Variants in RYR2 observed in about 807,000 individuals in gnomAD.
The protein encoded by RYR2 is cardiac muscle ryanodine receptor-calcium release channel.
In RYR2, 227 loss-of-function variants were observed where a neutral mutation model predicts 601.1. That is an observed-to-expected ratio of 0.38 (90% CI 0.34 to 0.42). The LOEUF is 0.42. RYR2 is among the 10% of genes least tolerant of loss of function. RYR2 has a pLI of 1.00. For synonymous variants in RYR2, 2,223 were observed against 2,175.1 expected, an observed-to-expected ratio of 1.02 and a Z score of -0.61; for missense variants, 4,646 against 6,156.5, an observed-to-expected ratio of 0.75 and a Z score of 8.21.
chr1:237,789,623 C>G (rs73103916), intron 92 of RYR2, among the ~76,000 whole-genome samples: 8 of 102,012 alleles, frequency 7.8e-5, no homozygotes, highest in Admixed American at 1.1e-4. Context: ...GGCGCTGCAG[C>G]ACCCCAGTGG....
chr1:237,264,069 A>G (rs987509779), intron 1 of RYR2, among the ~76,000 whole-genome samples: 1 of 146,272 alleles, frequency 6.8e-6, no homozygotes, highest in African/African-American at 2.6e-5. Context: ...GAATTACTAA[A>G]TGTACAAACA....
chr1:237,628,101 A>C lies in RYR2; in HGVS notation c.6440+21A>C, dbSNP rs764715619. The C allele has an allele frequency of 4.3e-6, 7 of 1,609,392 alleles. No individual in the cohort carries two copies. The African/African-American group carries it at 9.4e-5, about 22-fold the overall frequency. On this transcript the variant is annotated intron_variant, in intron 41 of 104. Transcript: ENST00000366574. ...TTAGGGTAAATTATTTAACTACTACAACCCTTTGTCTCGTAAATGTTTTCT... is the reference window on the plus strand; with the variant it reads ...TTAGGGTAAATTATTTAACTACTACCACCCTTTGTCTCGTAAATGTTTTCT...
chr1:237,225,948 A>G (rs189289492), intron 1 of RYR2, among the ~76,000 whole-genome samples: 123 of 152,100 alleles, frequency 8.1e-4, no homozygotes, highest in African/African-American at 2.5e-3. Flanking sequence ...CTAGCTACTC[A>G]GGAGGCTGAG....
intron 1 of RYR2, among the ~76,000 whole-genome samples, chr1:237,227,171 A>T (rs921615989): frequency 1.3e-5 from 2 of 152,168 alleles, no homozygotes; most frequent in Non-Finnish European, 2.9e-5. Context: ...AGTTCCTATT[A>T]TACAGCATGG....
At chr1:237,123,341 C>CT (rs1558274463) in intron 1 of RYR2, among the ~76,000 whole-genome samples, 1 of 152,152 alleles carries the variant, frequency 6.6e-6, no homozygotes, top group Non-Finnish European at 1.5e-5. Flanking sequence ...AATCCCAGCA[C>CT]TTTGGGAGGC....
At chr1:237,529,570 T>G (rs2779361) in intron 24 of RYR2, among the ~76,000 whole-genome samples, 76,339 of 151,746 alleles carry the variant, frequency 0.5, 19,384 homozygotes, top group East Asian at 0.6. Flanking sequence ...TTATGGGTTT[T>G]AGATAATTCC....
At chr1:237,206,567 A>G (rs992474243) in intron 1 of RYR2, among the ~76,000 whole-genome samples, 6 of 152,176 alleles carry the variant, frequency 3.9e-5, no homozygotes, top group Non-Finnish European at 8.8e-5. Flanking sequence ...ATACTAAAAG[A>G]CTTATTTATA....
In RYR2 at chr1:237,660,855, A is replaced by G. The variant is rs1425494520; in HGVS notation, c.8344A>G (p.Met2782Val). ...GCCAATCAAAGAATCTTTAAAAACTATGCTGGCTTGGGGCTGGAGAATTGA... is the reference window on the plus strand; with the variant it reads ...GCCAATCAAAGAATCTTTAAAAACTGTGCTGGCTTGGGGCTGGAGAATTGA... Reference protein sequence around the residue: ...RWPIKESLKTMLAWGWRIERT... With the variant: ...RWPIKESLKTVLAWGWRIERT... The change falls in exon 56 of 105, where the codon ATG becomes GTG. Residue 2782 changes from methionine to valine, a missense_variant. Met to Val is a conservative substitution (Grantham distance 21). Coordinates refer to ENST00000366574, the MANE Select transcript of RYR2 (RefSeq NM_001035.3). 7 of 1,547,434 alleles carry G rather than the reference A, an allele frequency of 4.5e-6. No homozygotes were observed. Among genetic ancestry groups the G allele is most frequent in the African/African-American group, 2.7e-5 (2 of 72,964 alleles).
At chr1:237,355,705 T>C (rs1174987586) in intron 3 of RYR2, among the ~76,000 whole-genome samples, 1 of 152,162 alleles carries the variant, frequency 6.6e-6, no homozygotes, top group African/African-American at 2.4e-5. Context: ...ATAAATTGGA[T>C]TATCATTATT....
intron 38 of RYR2, among the ~76,000 whole-genome samples, chr1:237,619,168 G>A (rs1354367138): frequency 6.6e-6 from 1 of 152,102 alleles, no homozygotes; most frequent in African/African-American, 2.4e-5. Context: ...TGTGTGTGAA[G>A]AACCAAGGAA....
chr1:237,715,095 G>A (rs923283141), intron 71 of RYR2, among the ~76,000 whole-genome samples: 1 of 150,698 alleles, frequency 6.6e-6, no homozygotes. Context: ...CCACATATGG[G>A]CCATGTTATT....
chr1:237,639,627 C>T (rs935321483), intron 46 of RYR2, among the ~76,000 whole-genome samples: 2 of 152,098 alleles, frequency 1.3e-5, no homozygotes, highest in African/African-American at 4.8e-5. Flanking sequence ...GTGGTAAAAC[C>T]TAGAAAAGGT....
intron 10 of RYR2, among the ~76,000 whole-genome samples, chr1:237,414,353 G>T (rs995940037): frequency 1.3e-5 from 2 of 152,090 alleles, no homozygotes; most frequent in East Asian, 1.9e-4. Flanking sequence ...CTAGTCAAGT[G>T]GTTCTCAAAA....
At chr1:237,174,591 G>A (rs1677802407) in intron 1 of RYR2, among the ~76,000 whole-genome samples, 4 of 152,152 alleles carry the variant, frequency 2.6e-5, no homozygotes. Flanking sequence ...ACTCAATGGA[G>A]TGAGTGGCCA....
intron 51 of RYR2, 41 bp from the exon 52 acceptor site, chr1:237,654,233 T>C (rs1683031941): frequency 6.2e-7 from 1 of 1,601,598 alleles, no homozygotes; most frequent in African/African-American, 1.3e-5. Flanking sequence ...ATATAAAAGG[T>C]TTTGATAGCT....
At chr1:237,506,442 G>A (rs1344297159) in intron 22 of RYR2, among the ~76,000 whole-genome samples, 2 of 152,028 alleles carry the variant, frequency 1.3e-5, no homozygotes, top group African/African-American at 2.4e-5. Context: ...GGAGGCTGAG[G>A]CAGGAGAATG....
chr1:237,181,676 C>T (rs1241172137), intron 1 of RYR2, among the ~76,000 whole-genome samples: 1 of 152,202 alleles, frequency 6.6e-6, no homozygotes, highest in African/African-American at 2.4e-5. Flanking sequence ...CCTCCACATC[C>T]TGTGAAAATC....
intron 63 of RYR2, among the ~76,000 whole-genome samples, chr1:237,695,509 C>T (rs1046030113): frequency 1.3e-5 from 2 of 152,074 alleles, no homozygotes; most frequent in African/African-American, 2.4e-5. Context: ...AGCAATGAAT[C>T]AATTATGTAA....
At chr1:237,260,854 G>A (rs1474334905) in intron 1 of RYR2, among the ~76,000 whole-genome samples, 1 of 152,106 alleles carries the variant, frequency 6.6e-6, no homozygotes, top group Non-Finnish European at 1.5e-5. Context: ...TAAACAATGT[G>A]AATTTTCCCA....
Sources: allele counts gnomAD v4.1 joint callset (sites outside exome capture counted in the v4.1 genomes callset), GRCh38; gene constraint gnomAD v4.1.1; transcripts MANE v1.5; gene names NCBI Gene and HGNC (gene_info 2026-07-23, HGNC 2026-07-21).